Variants in HELZ observed in about 807,000 individuals in gnomAD.
HELZ encodes the protein ATP-dependent RNA helicase with zinc finger domain.
Under a neutral mutation model 218.2 loss-of-function variants are expected in HELZ, and 23 were observed. That is an observed-to-expected ratio of 0.11 (90% CI 0.08 to 0.15). The LOEUF (loss-of-function observed/expected upper bound fraction) is 0.15, where lower values mean the gene tolerates loss of function less well. Among genes scored for constraint, HELZ ranks in the 10% least tolerant of loss-of-function variants. The pLI is 1.00. For synonymous variants in HELZ, 814 were observed against 829.4 expected (o/e 0.98, Z 0.32); for missense variants, 1,813 against 2,353.7 (o/e 0.77, Z 4.75).
At chr17:67,117,970 G>C (rs1323248486) in intron 27 of HELZ, among the ~76,000 whole-genome samples, 1 of 152,152 alleles carries the variant, frequency 6.6e-6, no homozygotes, top group African/African-American at 2.4e-5. Flanking sequence ...TCTCCCCAAA[G>C]TGACCTAAAG....
chr17:67,212,314 C>CAAAAAAATAAAAA (rs2040476025), intron 5 of HELZ, among the ~76,000 whole-genome samples: 1 of 21,396 alleles, frequency 4.7e-5, no homozygotes, highest in Non-Finnish European at 8.1e-5. Context: ...GACACCATCT[C>CAAAAAAATAAAAA]AAAAAAAAAA....
At chr17:67,124,125 T>A in intron 24 of HELZ, 111 bp from the exon 25 acceptor site, 1 of 702,656 alleles carries the variant, frequency 1.4e-6, no homozygotes, top group Non-Finnish European at 2.4e-6. Context: ...AATTAAAATC[T>A]AAAAACTGTG....
At chr17:67,120,334 G>C in intron 27 of HELZ, 71 bp downstream of exon 27, 1 of 1,253,048 alleles carries the variant, frequency 8.0e-7, no homozygotes, top group South Asian at 1.2e-5. Context: ...ACTGTTAAAG[G>C]AACTTTCTAT....
intron 3 of HELZ, among the ~76,000 whole-genome samples, chr17:67,229,692 A>G (rs1239512418): frequency 1.3e-5 from 2 of 152,214 alleles, no homozygotes; most frequent in Non-Finnish European, 2.9e-5. Flanking sequence ...TCAAGTCACA[A>G]AGAGGCATGT....
At chr17:67,092,324 G>A (rs1049819728) in intron 31 of HELZ, among the ~76,000 whole-genome samples, 1 of 152,120 alleles carries the variant, frequency 6.6e-6, no homozygotes, top group African/African-American at 2.4e-5. Flanking sequence ...GAAGAAGAAT[G>A]AAATTATAGC....
At chr17:67,168,567 G>C (rs2039217422) in intron 13 of HELZ, among the ~76,000 whole-genome samples, 1 of 152,148 alleles carries the variant, frequency 6.6e-6, no homozygotes, top group South Asian at 2.1e-4. Flanking sequence ...CTTACCAGCA[G>C]ATTCTAGCCA....
chr17:67,128,911 T>C (rs988392472), intron 23 of HELZ, 56 bp from the exon 24 acceptor site: 1 of 1,274,414 alleles, frequency 7.8e-7, no homozygotes, highest in African/African-American at 1.5e-5. Context: ...ATCACAGAAA[T>C]GAATATAAAT....
At position 67,109,170 on chromosome 17, in the gene HELZ, G is replaced by A. The variant is rs531441154; in HGVS notation, c.4435C>T (p.Leu1479=). 9.3e-6 allele frequency: 15 copies of A among 1,614,030 alleles called. No individual in the cohort carries two copies. Among genetic ancestry groups the A allele is most frequent in the Non-Finnish European group, 1.2e-5 (14 of 1,180,042 alleles). Reference sequence around the variant, plus strand: ...GGGTTCTCATCAATGAAGCTATTCAGATGTGAAGGAAGAATGGGGCCGGGT... The same window carrying A: ...GGGTTCTCATCAATGAAGCTATTCAAATGTGAAGGAAGAATGGGGCCGGGT... The part of the protein sequence containing the change: ...AQPGPILPSH[L]NSFIDENPSG... The change falls in exon 29 of 33, where the codon CTG becomes TTG. Residue 1479 remains leucine (L), a synonymous_variant. Coordinates refer to ENST00000358691, the MANE Select transcript of HELZ (RefSeq NM_014877.4).
intron 32 of HELZ, among the ~76,000 whole-genome samples, 192 bp downstream of exon 32, chr17:67,086,637 T>TATAAATATAA (rs1567787920): frequency 9.7e-5 from 7 of 72,230 alleles, no homozygotes; most frequent in African/African-American, 4.3e-4. Context: ...TATAAATATA[T>TATAAATATAA]ATATATATAT....
intron 6 of HELZ, among the ~76,000 whole-genome samples, chr17:67,202,211 C>G (rs979799123): frequency 1.3e-5 from 2 of 151,842 alleles, no homozygotes; most frequent in Non-Finnish European, 2.9e-5. Context: ...CAACAAATTT[C>G]TTAAGTTACG....
rs8066166 is a variant in HELZ, at chr17:67,147,917, C to T, written c.2621+652G>A. On this transcript the variant is annotated intron_variant, in intron 20 of 32. Coordinates refer to ENST00000358691, the MANE Select transcript of HELZ (RefSeq NM_014877.4). ...TGGTGGCGCACCCAGGGAGGGCATG[C>T]CAGCTCTGCGCGCTTTCTCCCATAC... 5.2e-3 allele frequency among the ~76,000 whole-genome samples: 788 copies of T among 152,382 alleles called. 5 individuals are homozygous for T. Among genetic ancestry groups the T allele is most frequent in the African/African-American group, 0.018 (763 of 41,600 alleles).
chr17:67,207,476 T>TC (rs2040336808), intron 5 of HELZ, among the ~76,000 whole-genome samples: 1 of 151,946 alleles, frequency 6.6e-6, no homozygotes, highest in Non-Finnish European at 1.5e-5. Flanking sequence ...CACCTCAGTC[T>TC]CCCCAAGAGC....
intron 20 of HELZ, among the ~76,000 whole-genome samples, chr17:67,146,113 A>T (rs1567839748): frequency 6.6e-6 from 1 of 152,224 alleles, no homozygotes; most frequent in Non-Finnish European, 1.5e-5. Flanking sequence ...TAAGGTACGA[A>T]GCCAAAACAG....
chr17:67,169,654 C>T lies in HELZ; in HGVS notation c.1431-1858G>A, dbSNP rs190374399. ...GCATTCTGCCCATAGCCTCCAAATG[C>T]ATGTTCTTCTCACATACAGAATACA... On this transcript the variant is annotated intron_variant, in intron 13 of 32. Transcript: ENST00000358691. Among the ~76,000 whole-genome samples the T allele has an allele frequency of 2.0e-5, 3 of 152,302 alleles. No individual in the cohort carries two copies. In the East Asian group the frequency reaches 5.8e-4, roughly 29 times the overall value.
chr17:67,187,273 G>C (rs2039780901), intron 12 of HELZ, among the ~76,000 whole-genome samples: 1 of 152,032 alleles, frequency 6.6e-6, no homozygotes, highest in Admixed American at 6.6e-5. Flanking sequence ...CAAGTAAAAG[G>C]GATCAAAGTC....
At position 67,103,968 on chromosome 17, in the gene HELZ, A is replaced by G. The variant is rs528514155; in HGVS notation, c.5241+3201T>C. ...ATCTACAGTCAACTGATTTTTGACA[A>G]TGTTGCCAAGACTATTCAATGGGGG... On this transcript the variant is annotated intron_variant, in intron 31 of 32. Coordinates refer to ENST00000358691, the MANE Select transcript of HELZ (RefSeq NM_014877.4). Among the ~76,000 whole-genome samples, 3 of 152,352 alleles carry G rather than the reference A, an allele frequency of 2.0e-5. No individual in the cohort carries two copies. The South Asian group carries it at 6.2e-4, about 32-fold the overall frequency.
chr17:67,178,168 T>C (rs759325172), intron 13 of HELZ, among the ~76,000 whole-genome samples: 6 of 152,228 alleles, frequency 3.9e-5, no homozygotes, highest in Admixed American at 2.0e-4. Flanking sequence ...CTGTGGCATA[T>C]GGATAAAATG....
rs570593823 is a variant in HELZ, at chr17:67,074,324, G to C, written c.*3928C>G. On this transcript the variant is annotated 3_prime_UTR_variant, in exon 33 of 33. Coordinates refer to ENST00000358691, the MANE Select transcript of HELZ (RefSeq NM_014877.4). ...ATTTGTATCTTTCAATACATTTAAA[G>C]TTTTAACCTTGTATTTTTATAGATT... is the stretch of plus-strand genomic sequence containing the variant. The C allele has an allele frequency of 2.0e-5, 3 of 150,960 alleles. No individual in the cohort carries two copies. The highest frequency in any genetic ancestry group is 6.6e-5 in the Admixed American group (1 of 15,132). 9.4% of individuals were successfully genotyped at this position (150,960 alleles called of 1,614,324 possible). A position where few individuals can be genotyped will look rare whatever the true frequency, so the allele number is the denominator to read the frequency against.
intron 3 of HELZ, among the ~76,000 whole-genome samples, chr17:67,220,849 T>TTCCC (rs2040724093): frequency 1.7e-5 from 2 of 114,418 alleles, no homozygotes; most frequent in African/African-American, 6.6e-5. Context: ...TTAAGATAAC[T>TTCCC]CCCCCCCCCC....
Sources: allele counts gnomAD v4.1 joint callset (sites outside exome capture counted in the v4.1 genomes callset), GRCh38; gene constraint gnomAD v4.1.1; transcripts MANE v1.5; gene names NCBI Gene and HGNC (gene_info 2026-07-23, HGNC 2026-07-21).